Variants in CD36 observed in about 807,000 individuals in gnomAD.
The protein encoded by CD36 is CD36 molecule (CD36 blood group), also known as platelet glycoprotein 4.
Under a neutral mutation model 55.2 loss-of-function variants are expected in CD36, and 119 were observed. The observed-to-expected ratio is 2.15, with a 90% CI of 1.86 to 2.51. CD36 has a LOEUF of 2.51. Ranked by LOEUF, CD36 falls within the 30% of genes most tolerant of loss-of-function variation. The pLI is 0.00. For missense variants in CD36, 819 were observed against 555.5 expected, an observed-to-expected ratio of 1.47 and a Z score of -4.77; for synonymous variants, 186 against 193.6, an observed-to-expected ratio of 0.96 and a Z score of 0.33.
intron 3 of CD36, among the ~76,000 whole-genome samples, 164 bp from the exon 4 acceptor site, chr7:80,656,376 A>C (rs1796065102): frequency 6.6e-6 from 1 of 152,172 alleles, no homozygotes; most frequent in Admixed American, 6.6e-5. Context: ...AATTTGTTGA[A>C]AACATTTCTG....
At chr7:80,672,654 T>C in intron 11 of CD36, 116 bp from the exon 12 acceptor site, 1 of 709,564 alleles carries the variant, frequency 1.4e-6, no homozygotes, top group South Asian at 1.6e-5. Context: ...AAGTTTCAAT[T>C]AGTCCTGTTT....
chr7:80,646,381 G>A (rs1795167920), intron 2 of CD36, 200 bp downstream of exon 2: 1 of 314,884 alleles, frequency 3.2e-6, no homozygotes, highest in Admixed American at 4.4e-5. Context: ...CCTTAGATAA[G>A]ATTTCAATAT....
intron 3 of CD36, 187 bp downstream of exon 3, chr7:80,647,047 A>G (rs879886147): frequency 1.7e-5 from 10 of 579,806 alleles, no homozygotes; most frequent in Non-Finnish European, 2.7e-5. Flanking sequence ...AGTATAATGT[A>G]TATTTAACAT....
At chr7:80,634,960 T>C (rs981143929), upstream of CD36, among the ~76,000 whole-genome samples, 1 of 152,062 alleles carries the variant, frequency 6.6e-6, no homozygotes, top group African/African-American at 2.4e-5. Context: ...AAAAAAATTG[T>C]CAAATGTCCA....
intron 8 of CD36, among the ~76,000 whole-genome samples, chr7:80,667,649 G>GAT (rs1562816824): frequency 3.3e-5 from 5 of 150,680 alleles, no homozygotes; most frequent in Admixed American, 2.0e-4. Context: ...CTTCGTATGC[G>GAT]TACTTGATTC....
intron 1 of CD36, among the ~76,000 whole-genome samples, chr7:80,644,631 A>G (rs1368814527): frequency 1.3e-5 from 2 of 152,208 alleles, no homozygotes; most frequent in African/African-American, 2.4e-5. Flanking sequence ...TATGATTACT[A>G]AAGTGGAAGT....
chr7:80,611,643 G>A (rs995725591), intron 1 of CD36, among the ~76,000 whole-genome samples: 2 of 152,176 alleles, frequency 1.3e-5, no homozygotes, highest in Non-Finnish European at 2.9e-5. Flanking sequence ...GAAGATGTTA[G>A]GAAAAATCTA....
At chr7:80,675,568 A>G (rs2116935490) in intron 14 of CD36, among the ~76,000 whole-genome samples, 1 of 152,236 alleles carries the variant, frequency 6.6e-6, no homozygotes, top group Admixed American at 6.5e-5. Context: ...TTTTGCTTAT[A>G]TATTTGATTT....
rs777614996 is a variant in CD36 at position 80,676,431 on chromosome 7, G to A, written c.*48G>A. The A allele has an allele frequency of 1.3e-5, 2 of 152,054 alleles. No individual in the cohort carries two copies. The highest frequency in any genetic ancestry group is 2.4e-5 in the African/African-American group (1 of 41,408). The allele number at this position is 152,054 out of a possible 1,614,324, so 9.4% of individuals were successfully genotyped here. On this transcript the variant is annotated 3_prime_UTR_variant, in exon 15 of 15. Coordinates refer to ENST00000447544, the MANE Select transcript of CD36 (RefSeq NM_001001548.3). The stretch of plus-strand genomic sequence containing the variant: ...TTTGTGTTGTTCTGATTCAATAATT[G>A]GTTTCTGGGTGGCCAATTCAGAAGA...
At chr7:80,613,560 T>C (rs1792991081) in intron 1 of CD36, among the ~76,000 whole-genome samples, 1 of 152,114 alleles carries the variant, frequency 6.6e-6, no homozygotes, top group South Asian at 2.1e-4. Flanking sequence ...CAGCTCTGTT[T>C]TATGTGAGCC....
Position 80,672,132 on chromosome 7 carries a change from AAAT to A in CD36, c.1125+96_1125+98del, listed in dbSNP as rs1201716061. 19 of 1,046,774 alleles carry A rather than the reference AAAT, an allele frequency of 1.8e-5. No individual in the cohort carries two copies. The African/African-American group carries it at 2.1e-4, about 11-fold the overall frequency. 64.8% of individuals were successfully genotyped at this position (1,046,774 alleles called of 1,614,324 possible). A position where few individuals can be genotyped will look rare whatever the true frequency, so the allele number is the denominator to read the frequency against. On this transcript the variant is annotated intron_variant, in intron 11 of 14. Coordinates refer to ENST00000447544, the MANE Select transcript of CD36 (RefSeq NM_001001548.3). Reference sequence around the variant, plus strand: ...TCTTGTCGATGATTATTTATTCAATAAATAATCATATTTATTGAATCACATTCT... The same window carrying A: ...TCTTGTCGATGATTATTTATTCAATAAATCATATTTATTGAATCACATTCT...
intron 3 of CD36, among the ~76,000 whole-genome samples, chr7:80,656,065 G>C (rs1313619741): frequency 6.6e-6 from 1 of 152,050 alleles, no homozygotes; most frequent in African/African-American, 2.4e-5. Context: ...ATCCTCTGAA[G>C]TGTCCAACTC....
intron 1 of CD36, among the ~76,000 whole-genome samples, chr7:80,622,599 G>T (rs528326891): frequency 6.6e-6 from 1 of 152,324 alleles, no homozygotes; most frequent in African/African-American, 2.4e-5. Flanking sequence ...AACTCTGGGG[G>T]TCTCTGAACC....
rs886383587 is a variant in CD36, at chr7:80,664,324, G to T, written c.610-82G>T. 4 of 783,576 alleles carry T rather than the reference G, an allele frequency of 5.1e-6. No individual in the cohort carries two copies. In the African/African-American group the frequency reaches 6.8e-5, roughly 13 times the overall value. The allele number at this position is 783,576 out of a possible 1,614,324, so 48.5% of individuals were successfully genotyped here. A position where few individuals can be genotyped will look rare whatever the true frequency, so the allele number is the denominator to read the frequency against. On this transcript the variant is annotated intron_variant, in intron 6 of 14. Coordinates refer to ENST00000447544, the MANE Select transcript of CD36 (RefSeq NM_001001548.3). ...AGTCATTTGAGTAACCAGTGATTGA[G>T]AAATGTGAAAGTGAGTTATGTATTG...
In CD36 at chr7:80,671,675, A is replaced by C. The variant is rs930351150; in HGVS notation, c.1007-247A>C. ...ATACTAACGTGGGTGTGGAAGAAGA[A>C]AGAAAAAACTAGTGTTAAATAAATT... is the stretch of plus-strand genomic sequence containing the variant. On this transcript the variant is annotated intron_variant, in intron 10 of 14. Transcript: ENST00000447544. 2.6e-5 allele frequency among the ~76,000 whole-genome samples: 4 copies of C among 151,216 alleles called. No individual in the cohort carries two copies. The East Asian group carries it at 7.7e-4, about 29-fold the overall frequency.
At chr7:80,637,949 C>T (rs1052556343), upstream of CD36, among the ~76,000 whole-genome samples, 11 of 150,970 alleles carry the variant, frequency 7.3e-5, no homozygotes, top group Non-Finnish European at 1.5e-4. Context: ...TAAAGATTAT[C>T]CTCAATAGTA....
chr7:80,677,627 TG>T lies in CD36; in HGVS notation c.*1245del. The T allele has an allele frequency of 6.6e-6, 1 of 152,300 alleles. No homozygotes were observed. Among genetic ancestry groups the T allele is most frequent in the East Asian group, 1.9e-4 (1 of 5,178 alleles). The allele number at this position is 152,300 out of a possible 1,614,324, so 9.4% of individuals were successfully genotyped here. ...GAAGTATCTGTCCAAGATATTAATA[TG>T]TAAGATAACATTGTAGACATGTTCT... On this transcript the variant is annotated 3_prime_UTR_variant, in exon 15 of 15. Transcript: ENST00000447544.
intron 8 of CD36, 95 bp from the exon 9 acceptor site, chr7:80,669,858 T>C (rs952756405): frequency 1.2e-6 from 1 of 858,844 alleles, no homozygotes; most frequent in African/African-American, 1.7e-5. Flanking sequence ...GCAGTTTGCA[T>C]TACATTTCTA....
At chr7:80,605,575 G>T (rs1368118930) in intron 1 of CD36, among the ~76,000 whole-genome samples, 1 of 152,082 alleles carries the variant, frequency 6.6e-6, no homozygotes, top group Non-Finnish European at 1.5e-5. Context: ...TCCATTGCTT[G>T]CTCTAAGCTT....
Sources: allele counts gnomAD v4.1 joint callset (sites outside exome capture counted in the v4.1 genomes callset), GRCh38; gene constraint gnomAD v4.1.1; transcripts MANE v1.5; gene names NCBI Gene and HGNC (gene_info 2026-07-23, HGNC 2026-07-21).